The following OARD1 variants were observed in gnomAD, a reference collection of about 807,000 sequenced individuals.
OARD1 encodes the protein O-acyl-ADP-ribose deacylase 1.
A neutral mutation model predicts 19.7 loss-of-function variants in OARD1; 19 were observed. The ratio of observed to expected loss-of-function variants is 0.96; its 90% CI spans 0.67 to 1.41. The LOEUF is 1.41. Ranked by LOEUF, OARD1 falls within the 40% of genes most tolerant of loss-of-function variation. The pLI, the probability that OARD1 is intolerant of heterozygous loss-of-function variation, is 0.00. For missense variants in OARD1, 190 were observed against 183.8 expected, an observed-to-expected ratio of 1.03 and a Z score of -0.20; for synonymous variants, 70 against 61.8, an observed-to-expected ratio of 1.13 and a Z score of -0.62.
chr6:41,090,088 C>A, intron 1 of OARD1: 3 of 674,002 alleles, frequency 4.5e-6, no homozygotes, highest in Non-Finnish European at 7.6e-6. Flanking sequence ...GCACTCCAGC[C>A]TGGCGACAGA....
At chr6:41,080,531 T>G (rs1763876717) in intron 1 of OARD1, among the ~76,000 whole-genome samples, 1 of 152,186 alleles carries the variant, frequency 6.6e-6, no homozygotes. Flanking sequence ...AGTGTCAGAT[T>G]CCTGTTTCTG....
At chr6:41,089,624 G>A in intron 1 of OARD1, 2 of 1,612,662 alleles carry the variant, frequency 1.2e-6, no homozygotes, top group Non-Finnish European at 1.7e-6. Context: ...GGGTGGACAG[G>A]CTGTGCAGGT....
chr6:41,073,695 C>G (rs1027739618), upstream of OARD1, among the ~76,000 whole-genome samples: 2 of 152,016 alleles, frequency 1.3e-5, no homozygotes, highest in Non-Finnish European at 2.9e-5. Context: ...GCTGGCCCGC[C>G]CACGCCTCGG....
chr6:41,066,625 G>A lies in OARD1; in HGVS notation c.*710C>T, dbSNP rs1763018388. ...ACAAAAGAGAGAAAAAGTTCACCAT[G>A]AGGAGATTCTAAAAACCTGCCTTTT... On this transcript the variant is annotated 3_prime_UTR_variant, in exon 6 of 6. Transcript: ENST00000424266. The A allele has an allele frequency of 6.6e-6, 1 of 152,152 alleles. No individual in the cohort carries two copies. Among genetic ancestry groups the A allele is most frequent in the South Asian group, 2.1e-4 (1 of 4,830 alleles). 9.4% of individuals were successfully genotyped at this position (152,152 alleles called of 1,614,324 possible). A position where few individuals can be genotyped will look rare whatever the true frequency, so the allele number is the denominator to read the frequency against.
At chr6:41,085,114 A>C (rs1055995381) in intron 1 of OARD1, among the ~76,000 whole-genome samples, 13 of 152,070 alleles carry the variant, frequency 8.5e-5, no homozygotes, top group Non-Finnish European at 1.0e-4. Flanking sequence ...AAAAAGAATT[A>C]ATCATTATTT....
chr6:41,074,811 A>T (rs138819834), upstream of OARD1, among the ~76,000 whole-genome samples: 130 of 152,292 alleles, frequency 8.5e-4, no homozygotes, highest in Middle Eastern at 3.4e-3. Context: ...TGACTTGTTT[A>T]TGGGTTCTGC....
At chr6:41,080,809 A>G in intron 1 of OARD1, 4 of 1,612,672 alleles carry the variant, frequency 2.5e-6, no homozygotes. Context: ...TCCTGTTCTC[A>G]GCAGCAGGGT....
upstream of OARD1, chr6:41,072,703 A>AG (rs1763536753): frequency 6.5e-6 from 1 of 152,776 alleles, no homozygotes; most frequent in East Asian, 1.9e-4. Context: ...CAGCTGGCAA[A>AG]GGGGCTAGTT....
chr6:41,088,806 G>A (rs1460092615), intron 1 of OARD1, among the ~76,000 whole-genome samples: 2 of 151,820 alleles, frequency 1.3e-5, no homozygotes, highest in Non-Finnish European at 2.9e-5. Context: ...GGCTGGTCTC[G>A]AACTCCTGAC....
At chr6:41,088,683 C>T (rs1764114894) in intron 1 of OARD1, among the ~76,000 whole-genome samples, 1 of 151,428 alleles carries the variant, frequency 6.6e-6, no homozygotes, top group South Asian at 2.1e-4. Flanking sequence ...CTCCCAGGCT[C>T]AAATGATCCT....
At chr6:41,077,963 C>T (rs945233538) in intron 1 of OARD1, among the ~76,000 whole-genome samples, 3 of 151,570 alleles carry the variant, frequency 2.0e-5, no homozygotes, top group African/African-American at 7.3e-5. Context: ...TTATATTTTT[C>T]CTAACATTCC....
rs760657871 is a variant in OARD1 at position 41,071,221 on chromosome 6, TGG to T, written c.93_94del (p.His32LeufsTer4). ...CATGCGACAATCCTCACTGATACAG[TGG>T]GCTAAAGAGTCTGTTTTCGGGCATG... On this transcript the variant is annotated frameshift_variant, in exon 3 of 6. Coordinates refer to ENST00000424266, the MANE Select transcript of OARD1 (RefSeq NM_001329686.2). LOFTEE classifies it high-confidence loss of function. The T allele has an allele frequency of 2.5e-5, 40 of 1,613,988 alleles. No homozygotes were observed. The highest frequency in any genetic ancestry group is 3.0e-5 in the Non-Finnish European group (35 of 1,179,932).
chr6:41,093,105 G>A (rs763219996), intron 1 of OARD1: 30 of 1,604,960 alleles, frequency 1.9e-5, no homozygotes, highest in Non-Finnish European at 2.5e-5. Flanking sequence ...ACATTGGGAA[G>A]GATATAGGAA....
intron 4 of OARD1, 182 bp from the exon 5 acceptor site, chr6:41,069,135 C>G (rs1763186819): frequency 4.7e-6 from 2 of 428,194 alleles, no homozygotes; most frequent in Non-Finnish European, 8.2e-6. Context: ...TCAAGAAAAT[C>G]CACTAAATAG....
In OARD1 at chr6:41,064,848, A is replaced by G. The variant is rs748438295; in HGVS notation, c.*2487T>C. 2.0e-5 allele frequency: 3 copies of G among 152,178 alleles called. No homozygotes were observed. The highest frequency in any genetic ancestry group is 4.4e-5 in the Non-Finnish European group (3 of 68,028). The allele number at this position is 152,178 out of a possible 1,614,324, so 9.4% of individuals were successfully genotyped here. On this transcript the variant is annotated 3_prime_UTR_variant, in exon 6 of 6. Coordinates refer to ENST00000424266, the MANE Select transcript of OARD1 (RefSeq NM_001329686.2). ...TAGTAGTTTAATGTTCAGATATACA[A>G]TCATTTAAAAGTATTCAATACATGG...
chr6:41,095,827 C>T (rs958319227), intron 1 of OARD1, among the ~76,000 whole-genome samples: 4 of 152,112 alleles, frequency 2.6e-5, no homozygotes, highest in Non-Finnish European at 5.9e-5. Context: ...AGGATTGTTT[C>T]GTTCTCTGTT....
chr6:41,094,624 A>T (rs566409102), intron 1 of OARD1: 6 of 645,956 alleles, frequency 9.3e-6, no homozygotes, highest in Non-Finnish European at 1.4e-5. Flanking sequence ...ACTGGATGCA[A>T]TCTTATGTCT....
intron 3 of OARD1, chr6:41,070,862 T>C: frequency 6.7e-6 from 4 of 598,804 alleles, no homozygotes; most frequent in Non-Finnish European, 1.2e-5. Flanking sequence ...ACCTATAGAC[T>C]AAGCATCTCA....
At chr6:41,076,601 G>A (rs1272434447), upstream of OARD1, among the ~76,000 whole-genome samples, 2 of 152,224 alleles carry the variant, frequency 1.3e-5, no homozygotes, top group Non-Finnish European at 2.9e-5. Context: ...GGGGCAAAGA[G>A]AATTGCACTG....
Sources: gnomAD v4.1 joint callset for allele counts (sites outside exome capture counted in the v4.1 genomes callset) on GRCh38, gnomAD v4.1.1 for gene constraint, MANE v1.5 for transcripts, NCBI Gene and HGNC (gene_info 2026-07-23, HGNC 2026-07-21) for gene names.